Variants in PTPN22 observed in about 807,000 individuals in gnomAD.
PTPN22 encodes the protein protein tyrosine phosphatase non-receptor type 22.
In PTPN22, 85 loss-of-function variants were observed where a neutral mutation model predicts 103.3. That is an observed-to-expected ratio of 0.82 (90% CI 0.69 to 0.99). PTPN22 has a LOEUF of 0.99. PTPN22 is among the 50% of genes least tolerant of loss of function. PTPN22 has a pLI of 0.00. For synonymous variants in PTPN22, 323 were observed against 310.2 expected, an observed-to-expected ratio of 1.04 and a Z score of -0.43; for missense variants, 865 against 936.9, an observed-to-expected ratio of 0.92 and a Z score of 1.00.
At chr1:113,869,850 A>G (rs1666431096) in intron 1 of PTPN22, among the ~76,000 whole-genome samples, 1 of 152,166 alleles carries the variant, frequency 6.6e-6, no homozygotes, top group Non-Finnish European at 1.5e-5. Flanking sequence ...CTTCCTACTT[A>G]TCTCCTTTCA....
chr1:113,836,482 G>T (rs1235531931), intron 13 of PTPN22, among the ~76,000 whole-genome samples: 2 of 152,052 alleles, frequency 1.3e-5, no homozygotes, highest in Admixed American at 6.6e-5. Flanking sequence ...AAGAAATCAG[G>T]TTCTCCCCTT....
intron 16 of PTPN22, among the ~76,000 whole-genome samples, 170 bp from the exon 17 acceptor site, chr1:113,830,199 C>T (rs1048406047): frequency 6.6e-6 from 1 of 152,018 alleles, no homozygotes; most frequent in South Asian, 2.1e-4. Context: ...GTTTTTCTAC[C>T]TCGTTAGCCT....
At chr1:113,826,408 G>GGGAAGGGAAGGGAAGGGAAGGGAAT (rs1309813071) in intron 18 of PTPN22, among the ~76,000 whole-genome samples, 2 of 92,462 alleles carry the variant, frequency 2.2e-5, no homozygotes, top group African/African-American at 9.0e-5. Flanking sequence ...GGGAAGGGAA[G>GGGAAGGGAAGGGAAGGGAAGGGAAT]GGAAGGGAAG....
In PTPN22 at chr1:113,826,659, A is replaced by ATTTTTT. The variant is rs10563752; in HGVS notation, c.2251-1493_2251-1488dup. ...CTCTACTTTTATGGTGGAGTCTCTA[A>ATTTTTT]TTTTTTTTTTTTTTTTTTTTTTTTT... On this transcript the variant is annotated intron_variant, in intron 18 of 20. Coordinates refer to ENST00000359785, the Ensembl canonical transcript of PTPN22. Among the ~76,000 whole-genome samples, 25 of 63,110 alleles carry ATTTTTT rather than the reference A, an allele frequency of 4.0e-4. 2 individuals are homozygous for ATTTTTT. The highest frequency in any genetic ancestry group is 9.6e-4 in the African/African-American group (14 of 14,658). The allele number at this position is 63,110 out of a possible 152,430, so 41.4% of individuals were successfully genotyped here.
At chr1:113,847,897 C>T (rs571819939) in intron 11 of PTPN22, among the ~76,000 whole-genome samples, 3 of 151,828 alleles carry the variant, frequency 2.0e-5, no homozygotes, top group African/African-American at 4.8e-5. Flanking sequence ...CCACTGCACC[C>T]GGCCATTTGG....
chr1:113,842,823 C>T (rs996063776), intron 11 of PTPN22, among the ~76,000 whole-genome samples: 2 of 151,528 alleles, frequency 1.3e-5, no homozygotes, highest in East Asian at 1.9e-4. Flanking sequence ...ACTAAACGGC[C>T]GGGCGCGGTG....
exon 2 of PTPN22, chr1:113,859,417 T>C: frequency 6.2e-7 from 1 of 1,614,038 alleles, no homozygotes; most frequent in Non-Finnish European, 8.5e-7. Context: ...AGTTGTAGGA[T>C]AGGTTTTGTC....
intron 6 of PTPN22, 51 bp from the exon 7 acceptor site, chr1:113,856,492 C>G (rs377650260): frequency 7.1e-5 from 114 of 1,613,830 alleles, no homozygotes; most frequent in Non-Finnish European, 9.2e-5. Flanking sequence ...GACAAGCTCT[C>G]TATAAGGTAG....
intron 5 of PTPN22, 175 bp from the exon 6 acceptor site, chr1:113,856,794 A>G (rs767770498): frequency 1.4e-6 from 1 of 731,882 alleles, no homozygotes; most frequent in South Asian, 2.0e-5. Flanking sequence ...AACAAACATT[A>G]AAGGATATAT....
chr1:113,870,842 G>C (rs1666519661), intron 1 of PTPN22, among the ~76,000 whole-genome samples: 1 of 152,084 alleles, frequency 6.6e-6, no homozygotes. Flanking sequence ...AAAAAAGCAA[G>C]GCTCGTATCT....
At chr1:113,862,919 G>T (rs1345118324) in intron 1 of PTPN22, among the ~76,000 whole-genome samples, 5 of 152,208 alleles carry the variant, frequency 3.3e-5, no homozygotes, top group Non-Finnish European at 7.3e-5. Context: ...GTACGAGCGT[G>T]CAATGCAATC....
exon 17 of PTPN22, chr1:113,829,990 G>A (rs1662416979): frequency 6.2e-7 from 1 of 1,608,022 alleles, no homozygotes; most frequent in Admixed American, 1.7e-5. Flanking sequence ...AGTTCTTTCT[G>A]GGAGAGGAGG....
intron 1 of PTPN22, 138 bp downstream of exon 1, chr1:113,871,399 C>CTTT: frequency 1.7e-6 from 1 of 596,340 alleles, no homozygotes. Flanking sequence ...AGAAGTCAAA[C>CTTT]TTTTTTTTTT....
chr1:113,836,572 C>A (rs188427246), intron 13 of PTPN22, among the ~76,000 whole-genome samples: 219 of 152,270 alleles, frequency 1.4e-3, no homozygotes, highest in African/African-American at 5.1e-3. Flanking sequence ...AACAAAAAAT[C>A]TGGGTGCTAT....
intron 6 of PTPN22, 34 bp from the exon 7 acceptor site, chr1:113,856,475 T>G (rs780025972): frequency 1.2e-6 from 2 of 1,612,974 alleles, no homozygotes; most frequent in South Asian, 2.2e-5. Flanking sequence ...GTATTAGTGA[T>G]TGCAAAGACA....
At chr1:113,857,887 C>A (rs1015790153) in intron 4 of PTPN22, 111 bp from the exon 5 acceptor site, 4 of 1,022,756 alleles carry the variant, frequency 3.9e-6, no homozygotes, top group Non-Finnish European at 5.6e-6. Context: ...TCTGTTTTGT[C>A]GTTTTTTTTT....
At chr1:113,820,554 T>G in intron 19 of PTPN22, among the ~76,000 whole-genome samples, 1 of 152,202 alleles carries the variant, frequency 6.6e-6, no homozygotes, top group East Asian at 1.9e-4. Flanking sequence ...TACTTATAGG[T>G]ATAAGTTAAC....
In PTPN22 at chr1:113,837,926, CA is replaced by C; in HGVS notation, c.1473del (p.His491GlnfsTer7). 6.2e-7 allele frequency: 1 copy of C among 1,614,082 alleles called. No homozygotes were observed. Among genetic ancestry groups the C allele is most frequent in the Non-Finnish European group, 8.5e-7 (1 of 1,179,994 alleles). ...GAATAATTCAGTTCTGCTGAAGAAA[CA>C]TGCATTACTTTTTGAGCCTGCATCT... On this transcript the variant is annotated frameshift_variant, in exon 13 of 21. Transcript: ENST00000359785. LOFTEE classifies it high-confidence loss of function.
exon 21 of PTPN22, chr1:113,814,341 C>T (rs1251721164): frequency 1.3e-5 from 2 of 152,178 alleles, no homozygotes; most frequent in African/African-American, 2.4e-5. Context: ...ATTATTTGCA[C>T]ATTTTATTCT....
Sources: allele counts gnomAD v4.1 joint callset (sites outside exome capture counted in the v4.1 genomes callset), GRCh38; gene constraint gnomAD v4.1.1; transcripts MANE v1.5; gene names NCBI Gene and HGNC (gene_info 2026-07-23, HGNC 2026-07-21).